Variants in MYZAP observed in about 807,000 individuals in gnomAD.
The protein encoded by MYZAP is myocardial zonula adherens protein.
Under a neutral mutation model 69.4 loss-of-function variants are expected in MYZAP, and 66 were observed. The observed-to-expected ratio is 0.95, with a 90% confidence interval of 0.78 to 1.17. MYZAP has a LOEUF of 1.17. MYZAP is among the 50% of genes most tolerant of loss of function. The pLI is 0.00. For synonymous variants in MYZAP, 256 were observed against 205.9 expected (o/e 1.24, Z -2.09); for missense variants, 611 against 556.2 (o/e 1.10, Z -0.99).
At chr15:57,596,166 A>G (rs1366615990) in intron 1 of MYZAP, among the ~76,000 whole-genome samples, 4 of 152,180 alleles carry the variant, frequency 2.6e-5, no homozygotes, top group African/African-American at 9.7e-5. Context: ...TTTTCTACAA[A>G]GGATATGGAA....
chr15:57,682,214 G>C (rs2039480300), intron 12 of MYZAP, among the ~76,000 whole-genome samples: 1 of 152,120 alleles, frequency 6.6e-6, no homozygotes, highest in African/African-American at 2.4e-5. Context: ...TTCTCCACTT[G>C]TATGCTCTAC....
chr15:57,634,569 G>A (rs1415298784), intron 8 of MYZAP, among the ~76,000 whole-genome samples: 2 of 152,204 alleles, frequency 1.3e-5, no homozygotes, highest in Admixed American at 6.5e-5. Flanking sequence ...CAAGGTCACT[G>A]TCAGGCTTCA....
At chr15:57,619,150 A>G (rs1473375268) in intron 3 of MYZAP, among the ~76,000 whole-genome samples, 1 of 152,176 alleles carries the variant, frequency 6.6e-6, no homozygotes, top group Non-Finnish European at 1.5e-5. Context: ...GGGTTTTCAG[A>G]TAAGATGCAA....
chr15:57,661,423 A>T (rs1215473878), intron 10 of MYZAP, 27 bp from the exon 11 acceptor site: 2 of 1,550,086 alleles, frequency 1.3e-6, no homozygotes, highest in Non-Finnish European at 8.9e-7. Flanking sequence ...ATTTTTGATT[A>T]ACAATTTTCC....
At chr15:57,639,331 G>C in intron 9 of MYZAP, 109 bp from the exon 10 acceptor site, 1 of 1,186,758 alleles carries the variant, frequency 8.4e-7, no homozygotes, top group Non-Finnish European at 1.2e-6. Flanking sequence ...ACAGGCATGA[G>C]CCGCCATGCT....
At chr15:57,672,788 C>A (rs1274245856) in intron 11 of MYZAP, among the ~76,000 whole-genome samples, 2 of 152,194 alleles carry the variant, frequency 1.3e-5, no homozygotes, top group African/African-American at 4.8e-5. Context: ...GAATACTCAT[C>A]ACCTTTGATT....
chr15:57,648,506 C>T lies in MYZAP; in HGVS notation c.1119+8961C>T, dbSNP rs1408953608. 1.1e-5 allele frequency: 11 copies of T among 983,130 alleles called. No individual in the cohort carries two copies. In the African/African-American group the frequency reaches 1.7e-4, roughly 16 times the overall value. 60.9% of individuals were successfully genotyped at this position (983,130 alleles called of 1,614,324 possible). ...ATGGATGTCACATTCCCATGTCAAT[C>T]ATCTCTGGAAGGTATTATTCGCCCA... is the stretch of plus-strand genomic sequence containing the variant. On this transcript the variant is annotated intron_variant, in intron 10 of 12. Transcript: ENST00000267853.
At chr15:57,607,631 G>A (rs1001358868) in intron 2 of MYZAP, among the ~76,000 whole-genome samples, 2 of 152,156 alleles carry the variant, frequency 1.3e-5, no homozygotes, top group African/African-American at 4.8e-5. Flanking sequence ...AGGCACTGCT[G>A]GGATAGCATA....
chr15:57,620,085 C>T (rs2035717399), intron 3 of MYZAP, among the ~76,000 whole-genome samples: 2 of 152,172 alleles, frequency 1.3e-5, no homozygotes, highest in African/African-American at 4.8e-5. Context: ...GCACAAGAGC[C>T]AGCTCAGGGC....
intron 5 of MYZAP, 27 bp from the exon 6 acceptor site, chr15:57,629,675 G>A (rs781604146): frequency 4.4e-6 from 7 of 1,603,264 alleles, no homozygotes; most frequent in Admixed American, 1.8e-5. Flanking sequence ...ACCGGATCTG[G>A]TTTTGTTTTT....
chr15:57,592,021 A>G lies in MYZAP; in HGVS notation c.-14A>G, dbSNP rs2453089. ...AACGCCGGCGTCCAGCCCGCTACCG[A>G]CCGCCGCTGCGGGATGCTGCGCTCC... On this transcript the variant is annotated 5_prime_UTR_variant, in exon 1 of 13. Transcript: ENST00000267853. 0.3 allele frequency: 425,435 copies of G among 1,426,146 alleles called. 65,702 individuals carry two copies. Among genetic ancestry groups the G allele is most frequent in the East Asian group, 0.52 (17,058 of 32,660 alleles). 88.3% of individuals were successfully genotyped at this position (1,426,146 alleles called of 1,614,324 possible). A position where few individuals can be genotyped will look rare whatever the true frequency, so the allele number is the denominator to read the frequency against.
chr15:57,684,723 C>A lies in MYZAP; in HGVS notation c.*225C>A. ...ACATTTCAGACACCCACTCGGCATACCCTGCCGTACTGCATCATCATTTGT... is the reference window on the plus strand; with the variant it reads ...ACATTTCAGACACCCACTCGGCATAACCTGCCGTACTGCATCATCATTTGT... On this transcript the variant is annotated 3_prime_UTR_variant, in exon 13 of 13. Coordinates refer to ENST00000267853, the MANE Select transcript of MYZAP (RefSeq NM_001018100.5). 1 of 410,246 alleles carries A rather than the reference C, an allele frequency of 2.4e-6. No homozygotes were observed. Among genetic ancestry groups the A allele is most frequent in the Non-Finnish European group, 4.3e-6 (1 of 231,376 alleles). The allele number at this position is 410,246 out of a possible 1,614,324, so 25.4% of individuals were successfully genotyped here.
intron 10 of MYZAP, chr15:57,646,787 C>G: frequency 1.0e-6 from 1 of 985,478 alleles, no homozygotes; most frequent in African/African-American, 1.7e-5. Flanking sequence ...TTGCTTCTAT[C>G]ACCATCAGCA....
At chr15:57,597,311 C>T (rs1250407568) in intron 1 of MYZAP, among the ~76,000 whole-genome samples, 1 of 152,140 alleles carries the variant, frequency 6.6e-6, no homozygotes, top group Non-Finnish European at 1.5e-5. Flanking sequence ...GAGGCCTCAT[C>T]CCAAACCAAT....
chr15:57,612,361 T>C (rs1437061633), intron 2 of MYZAP, among the ~76,000 whole-genome samples: 1 of 152,188 alleles, frequency 6.6e-6, no homozygotes, highest in Non-Finnish European at 1.5e-5. Context: ...ATTGTCAGTT[T>C]GATGCATGTT....
intron 2 of MYZAP, among the ~76,000 whole-genome samples, chr15:57,612,033 G>A (rs1461850731): frequency 1.3e-5 from 2 of 152,216 alleles, no homozygotes; most frequent in East Asian, 3.9e-4. Context: ...TTAAGTATGA[G>A]TAATGACCTG....
intron 4 of MYZAP, among the ~76,000 whole-genome samples, chr15:57,625,166 G>C (rs190269645): frequency 0.015 from 2,235 of 151,706 alleles, 30 homozygotes; most frequent in South Asian, 0.045. Flanking sequence ...CTCAGCCTCC[G>C]GGGTTCAAGC....
intron 1 of MYZAP, among the ~76,000 whole-genome samples, chr15:57,603,492 C>T (rs1036709012): frequency 6.6e-6 from 1 of 152,180 alleles, no homozygotes; most frequent in Non-Finnish European, 1.5e-5. Context: ...CTAACTTTCC[C>T]TGTATCCTTA....
intron 1 of MYZAP, among the ~76,000 whole-genome samples, chr15:57,594,903 T>C (rs527924455): frequency 6.6e-6 from 1 of 152,354 alleles, no homozygotes; most frequent in Non-Finnish European, 1.5e-5. Context: ...GTTCTGTTAT[T>C]CCTCTCTGAT....
Sources: gnomAD v4.1 joint callset for allele counts (sites outside exome capture counted in the v4.1 genomes callset) on GRCh38, gnomAD v4.1.1 for gene constraint, MANE v1.5 for transcripts, NCBI Gene and HGNC (gene_info 2026-07-23, HGNC 2026-07-21) for gene names.